NLGN1: variants seen among roughly 807,000 people sequenced by gnomAD.
The protein encoded by NLGN1 is neuroligin-1.
NLGN1 carries 12 observed loss-of-function variants against 65.5 expected under a neutral mutation model. That is an observed-to-expected ratio of 0.18 (90% CI 0.12 to 0.30). The LOEUF is 0.30. Ranked by LOEUF, NLGN1 falls within the 10% of genes least tolerant of loss-of-function variation. The pLI is 1.00. For synonymous variants in NLGN1, 350 were observed against 359.5 expected (o/e 0.97, Z 0.30); for missense variants, 750 against 1,007.1 (o/e 0.74, Z 3.46).
chr3:173,421,911 C>A (rs1281123725), intron 1 of NLGN1, among the ~76,000 whole-genome samples: 2 of 151,994 alleles, frequency 1.3e-5, no homozygotes, highest in African/African-American at 4.8e-5. Context: ...TGATTTTATA[C>A]CTCAACACTT....
At chr3:173,767,291 A>G (rs1048453206) in intron 3 of NLGN1, among the ~76,000 whole-genome samples, 2 of 152,086 alleles carry the variant, frequency 1.3e-5, no homozygotes, top group African/African-American at 2.4e-5. Flanking sequence ...TCTTCTTCCA[A>G]CAAGAAGAAT....
intron 4 of NLGN1, among the ~76,000 whole-genome samples, chr3:174,261,015 T>G (rs1353840216): frequency 4.0e-5 from 6 of 151,726 alleles, no homozygotes; most frequent in South Asian, 2.1e-4. Context: ...TGTTATTTCT[T>G]AGGGCTCTGT....
At chr3:173,681,817 C>T in intron 3 of NLGN1, among the ~76,000 whole-genome samples, 1 of 152,136 alleles carries the variant, frequency 6.6e-6, no homozygotes, top group Non-Finnish European at 1.5e-5. Flanking sequence ...CATATGATGC[C>T]ATCAATACAG....
At chr3:173,743,502 A>G (rs1774945363) in intron 3 of NLGN1, among the ~76,000 whole-genome samples, 1 of 152,152 alleles carries the variant, frequency 6.6e-6, no homozygotes, top group African/African-American at 2.4e-5. Context: ...CTAATATATC[A>G]CAGCATTTGC....
At chr3:173,565,848 C>G (rs926508645) in intron 2 of NLGN1, among the ~76,000 whole-genome samples, 4 of 152,030 alleles carry the variant, frequency 2.6e-5, no homozygotes, top group Admixed American at 2.6e-4. Context: ...TTTATTAAGG[C>G]CATAGATGTA....
intron 4 of NLGN1, among the ~76,000 whole-genome samples, chr3:174,087,222 A>G (rs1318002459): frequency 6.6e-6 from 1 of 152,172 alleles, no homozygotes; most frequent in Non-Finnish European, 1.5e-5. Flanking sequence ...ACCCCGTGAC[A>G]TGAGTTTAGA....
At chr3:173,827,629 A>ATGTGTGTGTGTGTG (rs59670610) in intron 4 of NLGN1, among the ~76,000 whole-genome samples, 4,433 of 146,914 alleles carry the variant, frequency 0.03, 68 homozygotes, top group Non-Finnish European at 0.043. Context: ...TATTTATGAT[A>ATGTGTGTGTGTGTG]TGTGTGTGTG....
intron 3 of NLGN1, among the ~76,000 whole-genome samples, chr3:173,728,520 CT>C (rs750972576): frequency 3.0e-4 from 46 of 152,094 alleles, no homozygotes; most frequent in Non-Finnish European, 5.7e-4. Flanking sequence ...AGTGCCCCCC[CT>C]CCAACAATTC....
intron 3 of NLGN1, among the ~76,000 whole-genome samples, chr3:173,757,619 C>T (rs1008497895): frequency 6.6e-6 from 1 of 151,852 alleles, no homozygotes; most frequent in Non-Finnish European, 1.5e-5. Flanking sequence ...TGATACATAA[C>T]AACCAATGGC....
intron 4 of NLGN1, among the ~76,000 whole-genome samples, chr3:174,135,950 C>G (rs939439998): frequency 1.3e-5 from 2 of 152,078 alleles, no homozygotes; most frequent in Non-Finnish European, 2.9e-5. Flanking sequence ...AAAGTGACTA[C>G]TATTTGCAGG....
At chr3:174,085,788 T>A (rs893762164) in intron 4 of NLGN1, among the ~76,000 whole-genome samples, 12 of 152,048 alleles carry the variant, frequency 7.9e-5, no homozygotes, top group Non-Finnish European at 1.6e-4. Flanking sequence ...CAAAAAGATT[T>A]AAAAATACAT....
chr3:173,754,024 CTTTTTTTTTTTTTG>C, intron 3 of NLGN1, among the ~76,000 whole-genome samples: 1 of 121,606 alleles, frequency 8.2e-6, no homozygotes, highest in East Asian at 2.4e-4. Context: ...TCTTTCTTTT[CTTTTTTTTTTTTTG>C]TTTTTTTTTT....
At chr3:173,431,603 T>G (rs1470223469) in intron 1 of NLGN1, among the ~76,000 whole-genome samples, 2 of 152,150 alleles carry the variant, frequency 1.3e-5, no homozygotes, top group Admixed American at 6.6e-5. Flanking sequence ...TAAAATTGAT[T>G]GGAAGATGCA....
chr3:174,224,009 G>A (rs1739142694), intron 4 of NLGN1, among the ~76,000 whole-genome samples: 3 of 152,088 alleles, frequency 2.0e-5, no homozygotes, highest in Admixed American at 2.0e-4. Context: ...TTTCCATCCT[G>A]CTTCATGAAC....
chr3:173,500,338 A>G lies in NLGN1; in HGVS notation c.-321+65260A>G, dbSNP rs1289372641. 4.6e-5 allele frequency among the ~76,000 whole-genome samples: 7 copies of G among 152,252 alleles called. No individual in the cohort carries two copies. The South Asian group carries it at 1.2e-3, about 27-fold the overall frequency. On this transcript the variant is annotated intron_variant, in intron 2 of 6. Coordinates refer to ENST00000457714, the Ensembl canonical transcript of NLGN1. ...GTGGTTTTTGTCTTTGGTTCTGTTT[A>G]TATGCTGGATTACGTTTATTGATTT... is the stretch of plus-strand genomic sequence containing the variant.
intron 4 of NLGN1, among the ~76,000 whole-genome samples, chr3:174,272,035 TATGTC>T (rs1749496979): frequency 6.6e-6 from 1 of 151,630 alleles, no homozygotes; most frequent in Admixed American, 6.6e-5. Flanking sequence ...AAAATAATAA[TATGTC>T]AATGTGTTAC....
At chr3:173,536,157 C>T (rs900393834) in intron 2 of NLGN1, among the ~76,000 whole-genome samples, 13 of 152,140 alleles carry the variant, frequency 8.5e-5, no homozygotes, top group Non-Finnish European at 1.8e-4. Context: ...CTTCTGGTAT[C>T]TGTGAGGATG....
intron 4 of NLGN1, among the ~76,000 whole-genome samples, chr3:174,220,354 A>G (rs1040752019): frequency 1.3e-5 from 2 of 152,108 alleles, no homozygotes; most frequent in African/African-American, 4.8e-5. Context: ...AAGTGAACCT[A>G]TTAGGACTGT....
intron 4 of NLGN1, among the ~76,000 whole-genome samples, chr3:173,942,112 GT>G (rs1746225122): frequency 5.0e-5 from 6 of 119,168 alleles, no homozygotes; most frequent in African/African-American, 1.6e-4. Context: ...GGTTGGGGGT[GT>G]GTGTGTGTGT....
Sources: allele counts gnomAD v4.1 joint callset (sites outside exome capture counted in the v4.1 genomes callset), GRCh38; gene constraint gnomAD v4.1.1; transcripts MANE v1.5; gene names NCBI Gene and HGNC (gene_info 2026-07-23, HGNC 2026-07-21).